ARHGEF4: variants seen among roughly 807,000 people sequenced by gnomAD.
The protein encoded by ARHGEF4 is APC-stimulated guanine nucleotide exchange factor 1.
A neutral mutation model predicts 162.0 loss-of-function variants in ARHGEF4; 119 were observed. That is an observed-to-expected ratio of 0.73 (90% CI 0.63 to 0.86). ARHGEF4 has a LOEUF of 0.86. ARHGEF4 is among the 40% of genes least tolerant of loss of function. ARHGEF4 has a pLI of 0.00. For synonymous variants in ARHGEF4, 1,014 were observed against 979.9 expected (o/e 1.03, Z -0.65); for missense variants, 2,488 against 2,456.0 (o/e 1.01, Z -0.28).
At chr2:131,044,595 C>A in intron 12 of ARHGEF4, 53 bp downstream of exon 12, 2 of 1,521,704 alleles carry the variant, frequency 1.3e-6, no homozygotes, top group South Asian at 1.2e-5. Context: ...CCGGCGCTCC[C>A]GCCTGCCTGG....
At position 130,918,061 on chromosome 2, in the gene ARHGEF4, C is replaced by A. The variant is rs368212149; in HGVS notation, c.3552+563C>A. Reference sequence around the variant, plus strand: ...GGTCTTGAACTCCTGACCTCGTGATCCACCCGCCTCGGCCGGCACTGCCCA... The same window carrying A: ...GGTCTTGAACTCCTGACCTCGTGATACACCCGCCTCGGCCGGCACTGCCCA... On this transcript the variant is annotated intron_variant, in intron 2 of 13. Coordinates refer to ENST00000409359, the MANE Select transcript of ARHGEF4 (RefSeq NM_001367493.1). Among the ~76,000 whole-genome samples the A allele has an allele frequency of 4.8e-3, 733 of 151,888 alleles. 10 individuals are homozygous for A. Among genetic ancestry groups the A allele is most frequent in the African/African-American group, 0.017 (687 of 41,426 alleles).
At chr2:130,959,045 G>A (rs1684469549) in intron 4 of ARHGEF4, among the ~76,000 whole-genome samples, 1 of 151,682 alleles carries the variant, frequency 6.6e-6, no homozygotes, top group African/African-American at 2.4e-5. Flanking sequence ...GAGTTCAAGT[G>A]ATTCTCCTGC....
intron 3 of ARHGEF4, among the ~76,000 whole-genome samples, chr2:130,940,956 G>A (rs1046668051): frequency 2.0e-5 from 3 of 151,880 alleles, no homozygotes; most frequent in East Asian, 1.9e-4. Context: ...AACAGTATTC[G>A]AGGAACTCTG....
At chr2:130,945,130 T>C (rs1683526086) in intron 3 of ARHGEF4, among the ~76,000 whole-genome samples, 1 of 152,054 alleles carries the variant, frequency 6.6e-6, no homozygotes, top group African/African-American at 2.4e-5. Context: ...CTCATACAGC[T>C]TGGGGGTAAG....
chr2:130,924,336 G>A (rs531541760), intron 2 of ARHGEF4, among the ~76,000 whole-genome samples: 7 of 149,780 alleles, frequency 4.7e-5, no homozygotes, highest in African/African-American at 1.5e-4. Flanking sequence ...GCATGATCTC[G>A]GCTCACTGCA....
chr2:130,855,428 G>A (rs1681711374), intron 1 of ARHGEF4, among the ~76,000 whole-genome samples: 1 of 152,214 alleles, frequency 6.6e-6, no homozygotes, highest in Non-Finnish European at 1.5e-5. Context: ...TCAGCAGAGG[G>A]AAGAGGTACA....
In ARHGEF4 at chr2:130,836,946, C is replaced by A; in HGVS notation, c.-8C>A. 2.4e-6 allele frequency: 3 copies of A among 1,225,510 alleles called. No individual in the cohort carries two copies. Among genetic ancestry groups the A allele is most frequent in the Non-Finnish European group, 2.0e-6 (2 of 983,910 alleles). The allele number at this position is 1,225,510 out of a possible 1,614,324, so 75.9% of individuals were successfully genotyped here. On this transcript the variant is annotated 5_prime_UTR_variant, in exon 1 of 14. Transcript: ENST00000409359. ...TGCGGCCGGGCTCCGGGCGTCCCGG[C>A]GGCCACCATGCTCAGCGTCGTGCAC... is the stretch of plus-strand genomic sequence containing the variant.
At chr2:130,943,186 T>C (rs1054073473) in intron 3 of ARHGEF4, among the ~76,000 whole-genome samples, 2 of 152,196 alleles carry the variant, frequency 1.3e-5, no homozygotes, top group Non-Finnish European at 2.9e-5. Context: ...GTGAATTCAC[T>C]CTTATGATGT....
chr2:130,939,256 A>G (rs1012957795), intron 3 of ARHGEF4, among the ~76,000 whole-genome samples: 2 of 152,218 alleles, frequency 1.3e-5, no homozygotes, highest in Non-Finnish European at 2.9e-5. Flanking sequence ...TTATGGCTGC[A>G]TAAGTTGTGG....
chr2:130,893,913 A>G (rs1680006299), intron 1 of ARHGEF4, among the ~76,000 whole-genome samples: 1 of 152,196 alleles, frequency 6.6e-6, no homozygotes, highest in Admixed American at 6.5e-5. Flanking sequence ...AGACCTGGTG[A>G]GACCTAGATG....
At chr2:130,948,886 T>C (rs1432541639) in intron 4 of ARHGEF4, among the ~76,000 whole-genome samples, 7 of 152,258 alleles carry the variant, frequency 4.6e-5, no homozygotes, top group Non-Finnish European at 1.0e-4. Flanking sequence ...TAGCCTGGAC[T>C]ATCCTGGAGT....
chr2:131,021,770 T>C (rs1689152836), intron 4 of ARHGEF4, among the ~76,000 whole-genome samples: 1 of 152,238 alleles, frequency 6.6e-6, no homozygotes, highest in Non-Finnish European at 1.5e-5. Context: ...GCTTTCCGTC[T>C]TCCATCGCTG....
At chr2:130,860,429 C>T (rs1359769659) in intron 1 of ARHGEF4, among the ~76,000 whole-genome samples, 13 of 73,240 alleles carry the variant, frequency 1.8e-4, no homozygotes. Flanking sequence ...GTGAGTTAGG[C>T]GGGGCACAGT....
Position 130,916,291 on chromosome 2 carries a change from G to T in ARHGEF4, c.2345G>T (p.Arg782Leu), listed in dbSNP as rs1421984812. The change falls in exon 2 of 14, where the codon CGC becomes CTC. Residue 782 changes from arginine (R) to leucine (L), a missense_variant. Physicochemically the swap from Arg to Leu is moderately radical, Grantham distance 102. Coordinates refer to ENST00000409359, the MANE Select transcript of ARHGEF4 (RefSeq NM_001367493.1). ...CCGCCCCAGCCGCCACGCGGGCTCC[G>T]CAAGGGCGCGCAGGAGCCTGGGAAG... ...LEPPQPPRGL[R>L]KGAQEPGKRP... is the part of the protein sequence containing the mutation. The T allele has an allele frequency of 4.6e-6, 7 of 1,538,150 alleles. 1 individual carries two copies. The highest frequency in any genetic ancestry group is 5.0e-5 in the East Asian group (2 of 40,066).
At chr2:130,995,400 C>A (rs1288810340) in intron 4 of ARHGEF4, among the ~76,000 whole-genome samples, 1 of 152,146 alleles carries the variant, frequency 6.6e-6, no homozygotes, top group East Asian at 1.9e-4. Flanking sequence ...TTGAGATAGT[C>A]AACCTTGCCT....
intron 1 of ARHGEF4, among the ~76,000 whole-genome samples, chr2:130,882,181 A>G (rs1679236831): frequency 6.6e-6 from 1 of 152,148 alleles, no homozygotes; most frequent in East Asian, 1.9e-4. Context: ...TCTTTGAGAA[A>G]GGGTCTCAAC....
chr2:130,971,102 A>G (rs1260597847), intron 4 of ARHGEF4, among the ~76,000 whole-genome samples: 3 of 152,340 alleles, frequency 2.0e-5, no homozygotes, highest in Middle Eastern at 3.4e-3. Flanking sequence ...AAGGTTCAAG[A>G]TAAGAGTGAA....
At chr2:130,981,728 C>T (rs1005591637) in intron 4 of ARHGEF4, among the ~76,000 whole-genome samples, 1 of 151,710 alleles carries the variant, frequency 6.6e-6, no homozygotes, top group African/African-American at 2.4e-5. Flanking sequence ...TTTCCCCACT[C>T]AGTTACCCTG....
In ARHGEF4 at chr2:131,041,955, G is replaced by A. The variant is rs995684904; in HGVS notation, c.5025+11G>A. 2.5e-6 allele frequency: 4 copies of A among 1,609,142 alleles called. No homozygotes were observed. Among genetic ancestry groups the A allele is most frequent in the Non-Finnish European group, 3.4e-6 (4 of 1,177,572 alleles). ...ATAGAGGACTGGGAGGTGAGGGCCT[G>A]GGGGCACAGAAAATTCCAGGAGGTC... On this transcript the variant is annotated intron_variant, in intron 10 of 13. Transcript: ENST00000409359.
Sources: gnomAD v4.1 joint callset for allele counts (sites outside exome capture counted in the v4.1 genomes callset) on GRCh38, gnomAD v4.1.1 for gene constraint, MANE v1.5 for transcripts, NCBI Gene and HGNC (gene_info 2026-07-23, HGNC 2026-07-21) for gene names.